IL1RAPL1: variants seen among roughly 807,000 people sequenced by gnomAD.
IL1RAPL1 encodes the protein interleukin 1 receptor accessory protein like 1, also known as interleukin-1 receptor accessory protein-like 1.
A neutral mutation model predicts 48.4 loss-of-function variants in IL1RAPL1; 3 were observed. That is an observed-to-expected ratio of 0.06 (90% CI 0.03 to 0.16). IL1RAPL1 has a LOEUF of 0.16. IL1RAPL1 is among the 10% of genes least tolerant of loss of function. IL1RAPL1 has a pLI of 1.00. For synonymous variants in IL1RAPL1, 185 were observed against 187.7 expected (o/e 0.99, Z 0.12); for missense variants, 349 against 530.6 (o/e 0.66, Z 3.36).
At chrX:28,917,009 A>G (rs1923503959) in intron 2 of IL1RAPL1, among the ~76,000 whole-genome samples, 2 of 111,875 alleles carry the variant, frequency 1.8e-5, no homozygotes, top group African/African-American at 3.2e-5. Flanking sequence ...TGTGCATTAC[A>G]GTTTGGGGTT....
At position 28,931,746 on chromosome X, in the gene IL1RAPL1, A is replaced by G. The variant is rs912993123; in HGVS notation, c.82+142321A>G. 7.2e-5 allele frequency among the ~76,000 whole-genome samples: 8 copies of G among 111,886 alleles called. No homozygotes were observed. In the South Asian group the frequency reaches 2.9e-3, roughly 41 times the overall value. ...TTTCAAATGGTGTTATCTGTGCTAT[A>G]TTTAAAATAGGCCAGGTGCGGTGGC... On this transcript the variant is annotated intron_variant, in intron 2 of 10. Coordinates refer to ENST00000378993, the MANE Select transcript of IL1RAPL1 (RefSeq NM_014271.4).
At chrX:28,802,543 T>A (rs947477892) in intron 2 of IL1RAPL1, among the ~76,000 whole-genome samples, 5 of 112,420 alleles carry the variant, frequency 4.4e-5, no homozygotes, top group Non-Finnish European at 9.4e-5. Context: ...TCCAAATTAG[T>A]TTTGCTACCT....
chrX:29,846,983 T>C (rs1001323439), intron 6 of IL1RAPL1, among the ~76,000 whole-genome samples: 1 of 110,847 alleles, frequency 9.0e-6, no homozygotes, highest in Non-Finnish European at 1.9e-5. Context: ...AATTAAAATG[T>C]TCTAAATGAC....
chrX:29,291,321 G>A (rs1324337521), intron 3 of IL1RAPL1, among the ~76,000 whole-genome samples: 6 of 111,908 alleles, frequency 5.4e-5, no homozygotes, highest in African/African-American at 1.9e-4. Flanking sequence ...AGCAGTCACT[G>A]GCCCATGGCA....
intron 5 of IL1RAPL1, among the ~76,000 whole-genome samples, chrX:29,532,089 A>G (rs905273961): frequency 8.9e-6 from 1 of 112,019 alleles, no homozygotes; most frequent in African/African-American, 3.2e-5. Context: ...TAAGCCCATC[A>G]GTATTCAAAC....
At chrX:28,895,478 C>A (rs183287485) in intron 2 of IL1RAPL1, among the ~76,000 whole-genome samples, 1 of 88,736 alleles carries the variant, frequency 1.1e-5, no homozygotes, top group Non-Finnish European at 2.2e-5. Flanking sequence ...TGGGGGGATA[C>A]GAGAGGGGGA....
chrX:29,083,454 C>T (rs983450069), intron 2 of IL1RAPL1, among the ~76,000 whole-genome samples: 1 of 111,611 alleles, frequency 9.0e-6, no homozygotes, highest in African/African-American at 3.3e-5. Context: ...ATTTCATGGC[C>T]AGCACCAAGG....
intron 6 of IL1RAPL1, among the ~76,000 whole-genome samples, chrX:29,679,880 G>A (rs1248542863): frequency 3.6e-5 from 4 of 111,926 alleles, no homozygotes; most frequent in Non-Finnish European, 7.5e-5. Context: ...AGAGGGAATC[G>A]TACTGTTGAC....
chrX:29,294,045 A>T (rs1282770980), intron 3 of IL1RAPL1, among the ~76,000 whole-genome samples: 3 of 110,240 alleles, frequency 2.7e-5, no homozygotes, highest in African/African-American at 6.6e-5. Context: ...AGTAAAAAAA[A>T]AAAAATAAAT....
chrX:29,693,024 G>T (rs1287961747), intron 6 of IL1RAPL1, among the ~76,000 whole-genome samples: 3 of 112,100 alleles, frequency 2.7e-5, no homozygotes, highest in African/African-American at 6.5e-5. Context: ...TGGCATAAAA[G>T]TGCGTTTCAG....
At chrX:28,762,778 A>ACG (rs200447527) in intron 1 of IL1RAPL1, among the ~76,000 whole-genome samples, 2,011 of 79,310 alleles carry the variant, frequency 0.025, 47 homozygotes, top group East Asian at 0.15. Context: ...TCTAATACGC[A>ACG]CGCGCGCGCA....
chrX:29,486,317 TA>T (rs1453966894), intron 5 of IL1RAPL1, among the ~76,000 whole-genome samples: 1 of 110,138 alleles, frequency 9.1e-6, no homozygotes, highest in Non-Finnish European at 1.9e-5. Flanking sequence ...TCCTCAGTGT[TA>T]AAAATCATTG....
chrX:29,331,264 C>G (rs1382559905), intron 3 of IL1RAPL1, among the ~76,000 whole-genome samples: 3 of 111,355 alleles, frequency 2.7e-5, no homozygotes, highest in Non-Finnish European at 5.6e-5. Context: ...AGAAAATACT[C>G]ACATATCCTT....
At chrX:29,906,484 T>C (rs1932628260) in intron 6 of IL1RAPL1, among the ~76,000 whole-genome samples, 1 of 29,579 alleles carries the variant, frequency 3.4e-5, no homozygotes, top group Non-Finnish European at 5.6e-5. Context: ...TATATATATA[T>C]ATATATATAT....
At chrX:28,737,880 T>A (rs1175064658) in intron 1 of IL1RAPL1, among the ~76,000 whole-genome samples, 2 of 111,480 alleles carry the variant, frequency 1.8e-5, no homozygotes, top group African/African-American at 6.5e-5. Flanking sequence ...TGATACAAGT[T>A]GAATGAGGCA....
At chrX:29,336,845 T>C (rs1933003594) in intron 3 of IL1RAPL1, among the ~76,000 whole-genome samples, 1 of 111,726 alleles carries the variant, frequency 9.0e-6, no homozygotes, top group Admixed American at 9.5e-5. Flanking sequence ...ATGTGGGTTT[T>C]CAGGGGAGAA....
intron 2 of IL1RAPL1, among the ~76,000 whole-genome samples, chrX:29,159,101 C>T (rs1929631873): frequency 9.3e-6 from 1 of 107,789 alleles, no homozygotes; most frequent in Non-Finnish European, 1.9e-5. Context: ...TTCATTTCTT[C>T]ATCTGTAACA....
chrX:29,362,036 G>A (rs1419545906), intron 3 of IL1RAPL1, among the ~76,000 whole-genome samples: 1 of 112,074 alleles, frequency 8.9e-6, no homozygotes, highest in African/African-American at 3.2e-5. Context: ...CACTACATCT[G>A]GAGGTCTGTT....
intron 1 of IL1RAPL1, among the ~76,000 whole-genome samples, chrX:28,731,230 T>TA (rs905128338): frequency 5.4e-5 from 6 of 111,573 alleles, no homozygotes; most frequent in Non-Finnish European, 9.4e-5. Context: ...TTCATCATTA[T>TA]AAAAAAAACA....
Sources: gnomAD v4.1 joint callset for allele counts (sites outside exome capture counted in the v4.1 genomes callset) on GRCh38, gnomAD v4.1.1 for gene constraint, MANE v1.5 for transcripts, NCBI Gene and HGNC (gene_info 2026-07-23, HGNC 2026-07-21) for gene names.